The following VWC2L variants were observed in gnomAD, a reference collection of about 807,000 sequenced individuals.
VWC2L encodes von Willebrand factor C domain containing 2 like.
VWC2L carries 10 observed loss-of-function variants against 21.6 expected under a neutral mutation model. The ratio of observed to expected loss-of-function variants is 0.46; its 90% CI spans 0.29 to 0.78. The LOEUF (loss-of-function observed/expected upper bound fraction) is 0.78, where lower values mean the gene tolerates loss of function less well. Among genes scored for constraint, VWC2L ranks in the 30% least tolerant of loss-of-function variants. The probability of loss-of-function intolerance (pLI) is 0.10; values close to 1 mark genes in which losing one functional copy is unlikely to be tolerated. For missense variants in VWC2L, 209 were observed against 277.1 expected (o/e 0.75, Z 1.74); for synonymous variants, 96 against 94.3 (o/e 1.02, Z -0.10).
At chr2:214,527,828 T>G (rs1023172933) in intron 3 of VWC2L, among the ~76,000 whole-genome samples, 1 of 152,212 alleles carries the variant, frequency 6.6e-6, no homozygotes, top group Non-Finnish European at 1.5e-5. Context: ...TTGTTCTCCA[T>G]AGTTGTATCC....
intron 3 of VWC2L, among the ~76,000 whole-genome samples, chr2:214,537,173 C>T (rs1255948467): frequency 6.6e-6 from 1 of 152,054 alleles, no homozygotes; most frequent in Non-Finnish European, 1.5e-5. Context: ...ACCCCTACCC[C>T]AATAGTTTGT....
intron 3 of VWC2L, among the ~76,000 whole-genome samples, chr2:214,497,671 C>T (rs2126204201): frequency 6.6e-6 from 1 of 152,332 alleles, no homozygotes; most frequent in Admixed American, 6.5e-5. Context: ...ATCAGTGTTT[C>T]TCTAAATGTG....
chr2:214,467,215 A>T (rs1189168136), intron 3 of VWC2L, among the ~76,000 whole-genome samples: 1 of 152,228 alleles, frequency 6.6e-6, no homozygotes, highest in Admixed American at 6.5e-5. Flanking sequence ...TAGCTGGAAC[A>T]GTCACTTTTC....
chr2:214,493,689 A>G (rs1688774632), intron 3 of VWC2L, among the ~76,000 whole-genome samples: 1 of 152,206 alleles, frequency 6.6e-6, no homozygotes, highest in African/African-American at 2.4e-5. Flanking sequence ...GTTTACCTCC[A>G]TAACCAGGAA....
chr2:214,572,811 T>C (rs1476953932), intron 3 of VWC2L, among the ~76,000 whole-genome samples: 1 of 152,180 alleles, frequency 6.6e-6, no homozygotes, highest in Non-Finnish European at 1.5e-5. Context: ...CTAAAGCTAA[T>C]GAGATCAAAC....
intron 3 of VWC2L, among the ~76,000 whole-genome samples, chr2:214,570,439 C>T (rs1690133519): frequency 6.6e-6 from 1 of 152,168 alleles, no homozygotes; most frequent in Admixed American, 6.5e-5. Context: ...TCTTAATTCA[C>T]TGTAGCCTCA....
chr2:214,522,247 A>C (rs1193824253), intron 3 of VWC2L, among the ~76,000 whole-genome samples: 1 of 151,768 alleles, frequency 6.6e-6, no homozygotes, highest in Non-Finnish European at 1.5e-5. Flanking sequence ...TGGTGGCGGG[A>C]GCCTGTAGTC....
intron 3 of VWC2L, among the ~76,000 whole-genome samples, chr2:214,508,496 A>T (rs536684165): frequency 6.6e-6 from 1 of 152,282 alleles, no homozygotes; most frequent in Admixed American, 6.5e-5. Context: ...GATGATTCTA[A>T]ATGATGGAAT....
intron 3 of VWC2L, among the ~76,000 whole-genome samples, chr2:214,528,101 T>C (rs1224269163): frequency 6.6e-6 from 1 of 152,244 alleles, no homozygotes; most frequent in African/African-American, 2.4e-5. Context: ...CAAAGTTCTA[T>C]AACACTTTGT....
chr2:214,467,967 G>A (rs554446520), intron 3 of VWC2L, among the ~76,000 whole-genome samples: 11 of 152,076 alleles, frequency 7.2e-5, no homozygotes, highest in Non-Finnish European at 1.0e-4. Context: ...GCAACATAGT[G>A]AGACATTGTC....
At chr2:214,525,206 T>C (rs1160160017) in intron 3 of VWC2L, 1 of 152,116 alleles carries the variant, frequency 6.6e-6, no homozygotes, top group African/African-American at 2.4e-5. Flanking sequence ...TTAACCACCT[T>C]GAGGGTCAGA....
intron 3 of VWC2L, among the ~76,000 whole-genome samples, chr2:214,509,744 T>C (rs1204766671): frequency 6.6e-6 from 1 of 152,236 alleles, no homozygotes; most frequent in Non-Finnish European, 1.5e-5. Context: ...TAACTTTCTC[T>C]ACCCCAGTTT....
At chr2:214,533,742 C>G (rs1689479930) in intron 3 of VWC2L, among the ~76,000 whole-genome samples, 1 of 152,042 alleles carries the variant, frequency 6.6e-6, no homozygotes, top group East Asian at 1.9e-4. Flanking sequence ...TGGTTTCAGT[C>G]AACCGAATAA....
chr2:214,449,811 A>C (rs1189311864), intron 3 of VWC2L, among the ~76,000 whole-genome samples: 5 of 152,196 alleles, frequency 3.3e-5, no homozygotes, highest in Non-Finnish European at 1.5e-5. Context: ...GTGATAGAAA[A>C]GAGCAGCCAT....
At position 214,491,962 on chromosome 2, in the gene VWC2L, G is replaced by A. The variant is rs114474892; in HGVS notation, c.520+55204G>A. Among the ~76,000 whole-genome samples, 1,254 of 152,254 alleles carry A rather than the reference G, an allele frequency of 8.2e-3. 10 individuals are homozygous for A. The highest frequency in any genetic ancestry group is 0.024 in the Middle Eastern group (7 of 294). On this transcript the variant is annotated intron_variant, in intron 3 of 3. Transcript: ENST00000312504. ...TGGGATAGCTGAAATTTGCAGAAAT[G>A]TGGTAAATGTTAAGGAGAGGAGCAT...
At chr2:214,506,429 C>T (rs529165535) in intron 3 of VWC2L, among the ~76,000 whole-genome samples, 1 of 152,186 alleles carries the variant, frequency 6.6e-6, no homozygotes, top group Non-Finnish European at 1.5e-5. Flanking sequence ...ACCCTTAACT[C>T]CTATATCATT....
chr2:214,488,174 G>T lies in VWC2L; in HGVS notation c.520+51416G>T, dbSNP rs75130446. On this transcript the variant is annotated intron_variant, in intron 3 of 3. Transcript: ENST00000312504. ...TTACCCCAGCTTCTACCGCTTCATGGCCTTTGTTCATCAATGTCTTTACTC... is the reference window on the plus strand; with the variant it reads ...TTACCCCAGCTTCTACCGCTTCATGTCCTTTGTTCATCAATGTCTTTACTC... Among the ~76,000 whole-genome samples the T allele has an allele frequency of 4.7e-3, 711 of 152,180 alleles. 4 individuals carry two copies. The highest frequency in any genetic ancestry group is 0.014 in the South Asian group (68 of 4,814).
chr2:214,439,547 T>C (rs1559291246), intron 3 of VWC2L, among the ~76,000 whole-genome samples: 1 of 151,990 alleles, frequency 6.6e-6, no homozygotes, highest in Non-Finnish European at 1.5e-5. Context: ...TAAATGGTTA[T>C]TTTGGCGGGC....
At chr2:214,414,630 A>G (rs749197088) in intron 2 of VWC2L, 47 bp downstream of exon 2, 30 of 1,582,408 alleles carry the variant, frequency 1.9e-5, no homozygotes, top group Non-Finnish European at 4.3e-6. Flanking sequence ...TTTTCATACC[A>G]CGTGCTTAGT....
Sources: allele counts gnomAD v4.1 joint callset (sites outside exome capture counted in the v4.1 genomes callset), GRCh38; gene constraint gnomAD v4.1.1; transcripts MANE v1.5; gene names NCBI Gene and HGNC (gene_info 2026-07-23, HGNC 2026-07-21).